The following UVRAG variants were observed in gnomAD, a reference collection of about 807,000 sequenced individuals.
UVRAG encodes UV radiation resistance-associated gene protein.
UVRAG carries 19 observed loss-of-function variants against 78.0 expected under a neutral mutation model. The observed-to-expected ratio is 0.24, with a 90% CI of 0.17 to 0.36. The LOEUF is 0.36. Ranked by LOEUF, UVRAG falls within the 10% of genes least tolerant of loss-of-function variation. UVRAG has a pLI of 1.00. For synonymous variants in UVRAG, 323 were observed against 324.6 expected, an observed-to-expected ratio of 1.00 and a Z score of 0.05; for missense variants, 740 against 853.8, an observed-to-expected ratio of 0.87 and a Z score of 1.66.
chr11:76,000,982 C>T (rs1406595860), intron 8 of UVRAG, among the ~76,000 whole-genome samples: 2 of 152,236 alleles, frequency 1.3e-5, no homozygotes, highest in Admixed American at 6.5e-5. Context: ...AGTTAAAAGA[C>T]ATTACTATCA....
chr11:76,110,163 G>A (rs181776392), intron 13 of UVRAG, among the ~76,000 whole-genome samples: 3 of 149,324 alleles, frequency 2.0e-5, no homozygotes, highest in Non-Finnish European at 2.9e-5. Flanking sequence ...CAGCCTAGTG[G>A]TAGATACTGT....
intron 8 of UVRAG, chr11:75,983,826 A>T (rs569923829): frequency 9.7e-6 from 2 of 205,820 alleles, no homozygotes; most frequent in South Asian, 3.6e-4. Flanking sequence ...TATGTATCTA[A>T]ATATATCTAA....
chr11:76,041,075 T>A (rs1328740532), intron 12 of UVRAG, among the ~76,000 whole-genome samples: 1 of 151,942 alleles, frequency 6.6e-6, no homozygotes, highest in African/African-American at 2.4e-5. Context: ...AGAAAAAAAA[T>A]TCCAATGCAA....
At chr11:76,124,784 T>G (rs1043688637) in intron 14 of UVRAG, among the ~76,000 whole-genome samples, 3 of 152,164 alleles carry the variant, frequency 2.0e-5, no homozygotes, top group African/African-American at 7.2e-5. Context: ...TTTTGGAAAA[T>G]AGAATCAAGC....
intron 4 of UVRAG, among the ~76,000 whole-genome samples, chr11:75,885,502 G>A (rs1485266091): frequency 6.6e-6 from 1 of 152,094 alleles, no homozygotes; most frequent in African/African-American, 2.4e-5. Context: ...GCCAAAGATC[G>A]CGCAGTGTTT....
intron 13 of UVRAG, among the ~76,000 whole-genome samples, chr11:76,095,279 T>C (rs569318427): frequency 1.3e-5 from 2 of 152,254 alleles, no homozygotes; most frequent in South Asian, 4.1e-4. Context: ...TGAGCCTTTG[T>C]GGATTCTCAG....
chr11:76,014,399 G>A (rs1374145637), intron 11 of UVRAG, among the ~76,000 whole-genome samples: 1 of 152,194 alleles, frequency 6.6e-6, no homozygotes, highest in African/African-American at 2.4e-5. Flanking sequence ...GAAAAGCTTT[G>A]TATAAAGCAC....
rs115554775 is a variant in UVRAG at position 76,019,554 on chromosome 11, A to G, written c.1226+2574A>G. 8.8e-3 allele frequency among the ~76,000 whole-genome samples: 1,338 copies of G among 152,310 alleles called. 20 individuals carry two copies. The highest frequency in any genetic ancestry group is 0.031 in the African/African-American group (1,275 of 41,560). On this transcript the variant is annotated intron_variant, in intron 12 of 14. Transcript: ENST00000356136. ...CTAAGCTGTATCTGCATTAGGGGGA[A>G]CACTAAGCTCAGTAACACTGTGGTT...
At chr11:75,822,016 C>T (rs1334590173) in intron 1 of UVRAG, among the ~76,000 whole-genome samples, 1 of 148,422 alleles carries the variant, frequency 6.7e-6, no homozygotes, top group Non-Finnish European at 1.5e-5. Context: ...ACAATGTCAG[C>T]TCACTGCAAC....
intron 12 of UVRAG, among the ~76,000 whole-genome samples, chr11:76,060,982 C>T (rs1461399790): frequency 6.6e-6 from 1 of 152,268 alleles, no homozygotes; most frequent in Non-Finnish European, 1.5e-5. Context: ...GCAGCTCCAC[C>T]TGCGGCCCTG....
chr11:76,063,010 G>T (rs911456097), intron 12 of UVRAG, among the ~76,000 whole-genome samples: 1 of 152,088 alleles, frequency 6.6e-6, no homozygotes, highest in African/African-American at 2.4e-5. Context: ...GCCTGGGATC[G>T]CATTAGCTTT....
chr11:75,950,963 TACACACACACACACACACACACAC>T (rs35864936), intron 6 of UVRAG, among the ~76,000 whole-genome samples: 2 of 139,954 alleles, frequency 1.4e-5, no homozygotes, highest in Admixed American at 7.2e-5. Context: ...TTGTCAGGTG[TACACACACACACACACACACACAC>T]ACACACACAC....
At chr11:76,068,055 T>A (rs1951227503) in intron 13 of UVRAG, among the ~76,000 whole-genome samples, 1 of 152,178 alleles carries the variant, frequency 6.6e-6, no homozygotes, top group Admixed American at 6.5e-5. Flanking sequence ...ATATTCCAGC[T>A]TCAAACATAC....
intron 13 of UVRAG, among the ~76,000 whole-genome samples, chr11:76,104,546 T>G (rs1951937313): frequency 6.6e-6 from 1 of 152,200 alleles, no homozygotes. Context: ...AGCACTATTT[T>G]CATTATCGTT....
Position 75,936,294 on chromosome 11 carries a change from T to C in UVRAG, c.593+24255T>C, listed in dbSNP as rs528321979. ...ATTTGTGGGGAGATACATTTTTAGA[T>C]GATAAATGTCTCATTTTTTAATCAA... On this transcript the variant is annotated intron_variant, in intron 6 of 14. Coordinates refer to ENST00000356136, the MANE Select transcript of UVRAG (RefSeq NM_003369.4). Among the ~76,000 whole-genome samples the C allele has an allele frequency of 3.7e-3, 559 of 152,348 alleles. 1 individual carries two copies. Among genetic ancestry groups the C allele is most frequent in the African/African-American group, 0.012 (507 of 41,578 alleles).
At position 76,141,575 on chromosome 11, in the gene UVRAG, GT is replaced by G; in HGVS notation, c.*164del. 1.3e-6 allele frequency: 1 copy of G among 773,496 alleles called. No individual in the cohort carries two copies. 47.9% of individuals were successfully genotyped at this position (773,496 alleles called of 1,614,324 possible). On this transcript the variant is annotated 3_prime_UTR_variant, in exon 15 of 15. Coordinates refer to ENST00000356136, the MANE Select transcript of UVRAG (RefSeq NM_003369.4). The stretch of plus-strand genomic sequence containing the variant: ...AATGAAGGAGGGACTCAGGATCATT[GT>G]TATCAGTGGGCCAAAGTTAGATTTT...
intron 2 of UVRAG, among the ~76,000 whole-genome samples, chr11:75,852,628 T>C (rs193017511): frequency 6.6e-6 from 1 of 152,290 alleles, no homozygotes; most frequent in Admixed American, 6.5e-5. Context: ...TGGATTATGA[T>C]GGAAAATACT....
chr11:76,137,155 G>A (rs571491815), intron 14 of UVRAG: 16 of 334,264 alleles, frequency 4.8e-5, no homozygotes, highest in African/African-American at 8.6e-5. Context: ...GGCCCGCCAC[G>A]CAAATCCTGT....
chr11:76,081,870 C>T (rs183118916), intron 13 of UVRAG, among the ~76,000 whole-genome samples: 8 of 148,506 alleles, frequency 5.4e-5, no homozygotes, highest in African/African-American at 1.8e-4. Flanking sequence ...AAATACTGTG[C>T]AGCCATGAAA....
Sources: gnomAD v4.1 joint callset for allele counts (sites outside exome capture counted in the v4.1 genomes callset) on GRCh38, gnomAD v4.1.1 for gene constraint, MANE v1.5 for transcripts, NCBI Gene and HGNC (gene_info 2026-07-23, HGNC 2026-07-21) for gene names.